LAS1L: variants seen among roughly 807,000 people sequenced by gnomAD.
LAS1L encodes LAS1 like ribosome biogenesis factor.
A neutral mutation model predicts 57.3 loss-of-function variants in LAS1L; 5 were observed. The observed-to-expected ratio is 0.09, with a 90% CI of 0.05 to 0.18. The LOEUF is 0.18. Ranked by LOEUF, LAS1L falls within the 10% of genes least tolerant of loss-of-function variation. The probability of loss-of-function intolerance (pLI) is 1.00; values close to 1 mark genes in which losing one functional copy is unlikely to be tolerated. For synonymous variants in LAS1L, 245 were observed against 231.7 expected (o/e 1.06, Z -0.52); for missense variants, 360 against 568.3 (o/e 0.63, Z 3.73).
chrX:65,523,994 C>T, intron 10 of LAS1L, 62 bp downstream of exon 10: 1 of 1,048,434 alleles, frequency 9.5e-7, no homozygotes, highest in Non-Finnish European at 1.3e-6. Flanking sequence ...GAGCTGAGGA[C>T]AGTGGCAGAG....
intron 13 of LAS1L, among the ~76,000 whole-genome samples, chrX:65,513,505 G>A (rs777008623): frequency 1.0e-3 from 113 of 112,447 alleles, no homozygotes; most frequent in Non-Finnish European, 1.9e-3. Flanking sequence ...CCCTCAGGCA[G>A]ATCCATGGTT....
chrX:65,528,423 C>T (rs1259211165), intron 6 of LAS1L, 54 bp from the exon 7 acceptor site: 6 of 707,112 alleles, frequency 8.5e-6, no homozygotes, highest in Non-Finnish European at 1.3e-5. Context: ...CAACCCACCT[C>T]CACCCCTCCA....
Position 65,533,656 on chromosome X carries a change from A to G in LAS1L, c.316T>C (p.Leu106=), listed in dbSNP as rs777342007. The G allele has an allele frequency of 1.2e-5, 14 of 1,211,072 alleles. No individual in the cohort carries two copies. The South Asian group carries it at 1.9e-4, about 17-fold the overall frequency. ...AGCAGTCTAAGTTCATCAGTGCCCA[A>G]GCCACCAGTTACATCCAAGAGCTTA... ...RCKLLDVTGG[L]GTDELRLLYG... The change falls in exon 2 of 14, where the codon TTG becomes CTG. Residue 106 remains leucine (L), a synonymous_variant. Transcript: ENST00000374811.
rs57356313 is a variant in LAS1L, at chrX:65,516,636, TACACACACACAC to T, written c.1927+1339_1927+1350del. ...TGCCCCTACTTTTCCCTTTTTCCTATACACACACACACACACACACACACACACACACACACA... is the reference window on the plus strand; with the variant it reads ...TGCCCCTACTTTTCCCTTTTTCCTATACACACACACACACACACACACACA... On this transcript the variant is annotated intron_variant, in intron 12 of 13. Coordinates refer to ENST00000374811, the MANE Select transcript of LAS1L (RefSeq NM_031206.7). Among the ~76,000 whole-genome samples the T allele has an allele frequency of 9.4e-3, 839 of 89,491 alleles. 17 individuals carry two copies. The highest frequency in any genetic ancestry group is 0.029 in the African/African-American group (716 of 24,792). The allele number at this position is 89,491 out of a possible 115,157, so 77.7% of individuals were successfully genotyped here. A position where few individuals can be genotyped will look rare whatever the true frequency, so the allele number is the denominator to read the frequency against.
In LAS1L at chrX:65,512,789, G is replaced by A. The variant is rs2068493922; in HGVS notation, c.2191C>T (p.Leu731=). Reference sequence around the variant, plus strand: ...AGGGATGGCCATCAGAAGAGCTGCAGGCCAGTTTTGAGCCCATGCAGCTGC... The same window carrying A: ...AGGGATGGCCATCAGAAGAGCTGCAAGCCAGTTTTGAGCCCATGCAGCTGC... ...QGQLHGLKTG[L]QLF The change falls in exon 14 of 14, where the codon CTG becomes TTG. Residue 731 remains leucine (L), a synonymous_variant. Coordinates refer to ENST00000374811, the MANE Select transcript of LAS1L (RefSeq NM_031206.7). 7.7e-6 allele frequency: 9 copies of A among 1,166,883 alleles called. No individual in the cohort carries two copies. Among genetic ancestry groups the A allele is most frequent in the Non-Finnish European group, 9.2e-6 (8 of 873,071 alleles).
chrX:65,533,502 C>G, intron 2 of LAS1L, 108 bp downstream of exon 2: 1 of 707,509 alleles, frequency 1.4e-6, no homozygotes, highest in South Asian at 2.6e-5. Context: ...GAGGTACACG[C>G]AGGGTTTTGC....
chrX:65,534,363 G>A, intron 1 of LAS1L, 117 bp downstream of exon 1: 1 of 536,009 alleles, frequency 1.9e-6, no homozygotes, highest in East Asian at 3.6e-5. Flanking sequence ...TTTGGGAGAG[G>A]GACAACTTTA....
At chrX:65,527,209 TCAAAAAAAAAAAAAA>T (rs2069194890) in intron 7 of LAS1L, among the ~76,000 whole-genome samples, 1 of 3,078 alleles carries the variant, frequency 3.2e-4, no homozygotes, top group African/African-American at 6.7e-4. Context: ...AAACTCTGTC[TCAAAAAAAAAAAAAA>T]AAAAAAAAAA....
rs768842326 is a variant in LAS1L at position 65,512,921 on chromosome X, T to A, written c.2079-20A>T. ...AAGGTGCTGAGGAGAGAGTGGGAGG[T>A]CAGTCAGGGAAGGAGGCAGCTTTAG... On this transcript the variant is annotated intron_variant, in intron 13 of 13. Coordinates refer to ENST00000374811, the MANE Select transcript of LAS1L (RefSeq NM_031206.7). 42 of 1,155,466 alleles carry A rather than the reference T, an allele frequency of 3.6e-5. No homozygotes were observed. In the South Asian group the frequency reaches 6.7e-4, roughly 18 times the overall value.
chrX:65,523,746 G>A lies in LAS1L; in HGVS notation c.1301-39C>T, dbSNP rs531550240. ...GAGGATCTAAGGAGAAGGAAGCAGT[G>A]AGCCCCCCACCCAACATTTCACCTC... On this transcript the variant is annotated intron_variant, in intron 10 of 13. Transcript: ENST00000374811. 17 of 1,137,323 alleles carry A rather than the reference G, an allele frequency of 1.5e-5. No homozygotes were observed. The Admixed American group carries it at 3.8e-4, about 26-fold the overall frequency. 93.7% of individuals were successfully genotyped at this position (1,137,323 alleles called of 1,213,427 possible).
intron 2 of LAS1L, 104 bp downstream of exon 2, chrX:65,533,506 G>GT: frequency 1.3e-6 from 1 of 766,288 alleles, no homozygotes; most frequent in Non-Finnish European, 2.0e-6. Context: ...TACACGCAGG[G>GT]TTTTGCTTCA....
At chrX:65,530,859 T>C (rs2069448735) in intron 4 of LAS1L, among the ~76,000 whole-genome samples, 2 of 104,942 alleles carry the variant, frequency 1.9e-5, no homozygotes, top group Admixed American at 1.0e-4. Flanking sequence ...AGCATGTGCC[T>C]ATAGACCCAG....
chrX:65,518,615 G>A (rs1444029346), intron 11 of LAS1L, 150 bp from the exon 12 acceptor site: 3 of 916,106 alleles, frequency 3.3e-6, no homozygotes, highest in Non-Finnish European at 4.3e-6. Flanking sequence ...GAAACAACAG[G>A]ACCATGGACC....
chrX:65,526,756 T>C (rs1211684402), intron 7 of LAS1L, among the ~76,000 whole-genome samples: 1 of 111,653 alleles, frequency 9.0e-6, no homozygotes, highest in Non-Finnish European at 1.9e-5. Context: ...ATGCGCCTGC[T>C]CTGGACTGAG....
chrX:65,526,543 G>A (rs2069153001), intron 7 of LAS1L, among the ~76,000 whole-genome samples: 1 of 111,382 alleles, frequency 9.0e-6, no homozygotes, highest in Non-Finnish European at 1.9e-5. Flanking sequence ...GACTCCAGGG[G>A]CAATCCCAGC....
rs780996175 is a variant in LAS1L at position 65,533,726 on chromosome X, G to A, written c.246C>T (p.Asn82=). ...RITVWRSRSG[N]ELPLAVASTA... is the part of the protein sequence containing the mutation. Reference sequence around the variant, plus strand: ...TAGAAGCCACTGCCAGAGGGAGTTCGTTGCCTGACCTAAAGGGTCACAGTC... The same window carrying A: ...TAGAAGCCACTGCCAGAGGGAGTTCATTGCCTGACCTAAAGGGTCACAGTC... The change falls in exon 2 of 14, where the codon AAC becomes AAT. Residue 82 remains asparagine (N), a synonymous_variant. Coordinates refer to ENST00000374811, the MANE Select transcript of LAS1L (RefSeq NM_031206.7). 8 of 1,209,109 alleles carry A rather than the reference G, an allele frequency of 6.6e-6. No individual in the cohort carries two copies. In the Admixed American group the frequency reaches 1.3e-4, roughly 20 times the overall value.
At chrX:65,523,325 T>C (rs2068956321) in intron 11 of LAS1L, 1 of 321,103 alleles carries the variant, frequency 3.1e-6, no homozygotes, top group South Asian at 1.2e-4. Context: ...TCTAGGGGGA[T>C]TGTCTTATCC....
intron 11 of LAS1L, chrX:65,519,123 G>A: frequency 1.1e-5 from 2 of 174,860 alleles, no homozygotes; most frequent in Non-Finnish European, 1.8e-5. Context: ...AGCACGAGGA[G>A]GGCAGGAAAG....
chrX:65,512,907 G>A lies in LAS1L; in HGVS notation c.2079-6C>T, dbSNP rs2068496857. 2 of 1,162,498 alleles carry A rather than the reference G, an allele frequency of 1.7e-6. No individual in the cohort carries two copies. The highest frequency in any genetic ancestry group is 2.3e-6 in the Non-Finnish European group (2 of 869,265). Reference sequence around the variant, plus strand: ...CACAGCTCAGGCCCAAGGTGCTGAGGAGAGAGTGGGAGGTCAGTCAGGGAA... The same window carrying A: ...CACAGCTCAGGCCCAAGGTGCTGAGAAGAGAGTGGGAGGTCAGTCAGGGAA... On this transcript the variant is annotated splice_polypyrimidine_tract_variant and splice_region_variant and intron_variant, in intron 13 of 13. Transcript: ENST00000374811.
Sources: gnomAD v4.1 joint callset for allele counts (sites outside exome capture counted in the v4.1 genomes callset) on GRCh38, gnomAD v4.1.1 for gene constraint, MANE v1.5 for transcripts, NCBI Gene and HGNC (gene_info 2026-07-23, HGNC 2026-07-21) for gene names.